Variants in LRMDA observed in about 807,000 individuals in gnomAD.
LRMDA encodes the protein leucine-rich melanocyte differentiation-associated protein.
LRMDA carries 18 observed loss-of-function variants against 29.8 expected under a neutral mutation model. That is an observed-to-expected ratio of 0.60 (90% CI 0.42 to 0.90). The LOEUF is 0.90. LRMDA is among the 40% of genes least tolerant of loss of function. The pLI is 0.00. For missense variants in LRMDA, 273 were observed against 273.9 expected (o/e 1.00, Z 0.02); for synonymous variants, 125 against 109.4 (o/e 1.14, Z -0.89).
At chr10:76,207,810 A>G (rs1241893439) in intron 5 of LRMDA, among the ~76,000 whole-genome samples, 1 of 152,130 alleles carries the variant, frequency 6.6e-6, no homozygotes, top group Non-Finnish European at 1.5e-5. Flanking sequence ...CTAAAAACAC[A>G]AAAGTTAGCT....
chr10:76,476,580 T>G (rs1329337693), intron 6 of LRMDA, among the ~76,000 whole-genome samples: 1 of 152,066 alleles, frequency 6.6e-6, no homozygotes, highest in African/African-American at 2.4e-5. Flanking sequence ...TACCAAAGCC[T>G]GGCAGAGACA....
At chr10:76,342,846 A>C (rs1841057693) in intron 6 of LRMDA, among the ~76,000 whole-genome samples, 1 of 151,982 alleles carries the variant, frequency 6.6e-6, no homozygotes. Flanking sequence ...AATAAAGTTC[A>C]TAAAGACCTA....
chr10:75,543,277 T>G (rs537503335), intron 2 of LRMDA, among the ~76,000 whole-genome samples: 12 of 152,338 alleles, frequency 7.9e-5, no homozygotes, highest in East Asian at 5.8e-4. Context: ...ACATTTTGCT[T>G]CTTCTTTAAC....
intron 6 of LRMDA, among the ~76,000 whole-genome samples, chr10:76,522,164 T>G (rs924103244): frequency 6.6e-6 from 1 of 152,170 alleles, no homozygotes; most frequent in Non-Finnish European, 1.5e-5. Context: ...GAGTTTTTCT[T>G]GAATTTCAGA....
At chr10:76,479,073 G>A (rs1589208680) in intron 6 of LRMDA, among the ~76,000 whole-genome samples, 1 of 149,606 alleles carries the variant, frequency 6.7e-6, no homozygotes, top group East Asian at 2.0e-4. Flanking sequence ...AATAAAAAAA[G>A]ATCACAAACT....
intron 5 of LRMDA, among the ~76,000 whole-genome samples, chr10:76,142,934 A>T (rs1009647801): frequency 6.6e-5 from 10 of 151,408 alleles, no homozygotes; most frequent in African/African-American, 2.2e-4. Context: ...GAGTGAGAAC[A>T]TGCGGTGTTT....
At chr10:76,158,815 T>A (rs962582658) in intron 5 of LRMDA, among the ~76,000 whole-genome samples, 3 of 152,150 alleles carry the variant, frequency 2.0e-5, no homozygotes, top group African/African-American at 7.2e-5. Context: ...CATATGTATA[T>A]GTCCTAAAGA....
intron 2 of LRMDA, among the ~76,000 whole-genome samples, chr10:75,723,436 G>A (rs1484149577): frequency 6.6e-6 from 1 of 152,192 alleles, no homozygotes; most frequent in East Asian, 1.9e-4. Context: ...GAAAGACATC[G>A]TGATCCCACA....
chr10:75,947,170 C>G (rs930723787), intron 2 of LRMDA, among the ~76,000 whole-genome samples: 1 of 152,212 alleles, frequency 6.6e-6, no homozygotes, highest in South Asian at 2.1e-4. Flanking sequence ...TGCCCTTAAT[C>G]CTAGTGTGGT....
intron 5 of LRMDA, among the ~76,000 whole-genome samples, chr10:76,215,421 A>G (rs775929229): frequency 1.4e-4 from 22 of 152,112 alleles, no homozygotes; most frequent in South Asian, 2.1e-4. Flanking sequence ...CTGAGCTCCA[A>G]TAGCCTCAGA....
intron 5 of LRMDA, among the ~76,000 whole-genome samples, chr10:76,284,702 G>A (rs1385001570): frequency 1.3e-5 from 2 of 152,122 alleles, no homozygotes; most frequent in Non-Finnish European, 2.9e-5. Flanking sequence ...ATCTTGAATT[G>A]TGGCTCCCAT....
chr10:75,549,564 T>C (rs1462442101), intron 2 of LRMDA, among the ~76,000 whole-genome samples: 1 of 152,172 alleles, frequency 6.6e-6, no homozygotes, highest in Non-Finnish European at 1.5e-5. Context: ...AAAGTGATCC[T>C]CCTGCCTCAG....
At chr10:76,180,703 CCCCTGGTT>C (rs1358899786) in intron 5 of LRMDA, among the ~76,000 whole-genome samples, 14 of 152,304 alleles carry the variant, frequency 9.2e-5, no homozygotes, top group African/African-American at 3.1e-4. Flanking sequence ...GTCCCCTTTA[CCCCTGGTT>C]CCATCACACT....
At chr10:75,582,261 T>C (rs527279129) in intron 2 of LRMDA, among the ~76,000 whole-genome samples, 1 of 152,356 alleles carries the variant, frequency 6.6e-6, no homozygotes, top group South Asian at 2.1e-4. Flanking sequence ...GTAGAGGTTC[T>C]CCATGAGGGC....
At chr10:75,701,635 T>C (rs568946504) in intron 2 of LRMDA, among the ~76,000 whole-genome samples, 1 of 152,302 alleles carries the variant, frequency 6.6e-6, no homozygotes, top group East Asian at 1.9e-4. Context: ...TGATAATCTT[T>C]AGTCAAACAG....
chr10:75,913,313 C>T (rs2132379278), intron 2 of LRMDA, among the ~76,000 whole-genome samples: 1 of 152,150 alleles, frequency 6.6e-6, no homozygotes, highest in Admixed American at 6.5e-5. Flanking sequence ...AAAAATTAGT[C>T]ATGCATGGTG....
At chr10:76,344,622 C>T (rs1359572455) in intron 6 of LRMDA, among the ~76,000 whole-genome samples, 4 of 151,730 alleles carry the variant, frequency 2.6e-5, no homozygotes, top group Admixed American at 2.0e-4. Context: ...GAAAATCAGC[C>T]CTATTGGATA....
intron 6 of LRMDA, among the ~76,000 whole-genome samples, chr10:76,461,109 C>T (rs1842507699): frequency 6.6e-6 from 1 of 152,052 alleles, no homozygotes; most frequent in Non-Finnish European, 1.5e-5. Flanking sequence ...CACAGTAGGC[C>T]TTTTGTTTAT....
intron 2 of LRMDA, among the ~76,000 whole-genome samples, chr10:75,697,501 T>G (rs1842250236): frequency 6.6e-6 from 1 of 151,522 alleles, no homozygotes; most frequent in African/African-American, 2.4e-5. Context: ...TAGAGGAGCA[T>G]TCTTTTTTTT....
Sources: allele counts gnomAD v4.1 joint callset (sites outside exome capture counted in the v4.1 genomes callset), GRCh38; gene constraint gnomAD v4.1.1; transcripts MANE v1.5; gene names NCBI Gene and HGNC (gene_info 2026-07-23, HGNC 2026-07-21).